The following PRKCB variants were observed in gnomAD, a reference collection of about 807,000 sequenced individuals.
PRKCB encodes the protein protein kinase C beta, also known as protein kinase C beta type.
A neutral mutation model predicts 81.5 loss-of-function variants in PRKCB; 13 were observed. That is an observed-to-expected ratio of 0.16 (90% CI 0.10 to 0.25). The LOEUF (loss-of-function observed/expected upper bound fraction) is 0.25. Among genes scored for constraint, PRKCB ranks in the 10% least tolerant of loss-of-function variants. PRKCB has a pLI of 1.00. For synonymous variants in PRKCB, 335 were observed against 321.4 expected (o/e 1.04, Z -0.45); for missense variants, 509 against 875.7 (o/e 0.58, Z 5.29).
intron 3 of PRKCB, among the ~76,000 whole-genome samples, chr16:24,020,976 T>TCTTTC (rs1965352916): frequency 3.1e-5 from 3 of 96,740 alleles, no homozygotes; most frequent in Middle Eastern, 5.7e-3. Context: ...AGACTTTTCT[T>TCTTTC]TTTCTTTCTT....
intron 2 of PRKCB, among the ~76,000 whole-genome samples, chr16:23,945,422 A>T (rs1358925130): frequency 6.6e-6 from 1 of 152,190 alleles, no homozygotes; most frequent in Non-Finnish European, 1.5e-5. Flanking sequence ...CCGTGAAAAT[A>T]CTTTTTCTGA....
intron 2 of PRKCB, among the ~76,000 whole-genome samples, chr16:23,926,437 T>A (rs1963897417): frequency 1.3e-5 from 2 of 151,058 alleles, no homozygotes; most frequent in Non-Finnish European, 3.0e-5. Context: ...TGAGCCGAGA[T>A]TGCCCCACTG....
intron 7 of PRKCB, among the ~76,000 whole-genome samples, chr16:24,100,261 T>A (rs1332470097): frequency 1.3e-5 from 2 of 151,642 alleles, no homozygotes; most frequent in African/African-American, 2.4e-5. Flanking sequence ...TAGATCCTCT[T>A]GGCCGAGGAG....
intron 2 of PRKCB, among the ~76,000 whole-genome samples, chr16:23,898,649 A>C (rs768426042): frequency 6.6e-6 from 1 of 152,176 alleles, no homozygotes; most frequent in South Asian, 2.1e-4. Context: ...AACTAGGTGA[A>C]GATTGGCAGA....
At chr16:24,049,055 T>TTTTG (rs2141868269) in intron 5 of PRKCB, among the ~76,000 whole-genome samples, 1 of 134,988 alleles carries the variant, frequency 7.4e-6, no homozygotes, top group Non-Finnish European at 1.6e-5. Flanking sequence ...CTGTTTTTTT[T>TTTTG]TTTTTTTTTT....
At chr16:24,102,980 C>G (rs576758018) in intron 7 of PRKCB, among the ~76,000 whole-genome samples, 45 of 152,248 alleles carry the variant, frequency 3.0e-4, no homozygotes, top group African/African-American at 1.0e-3. Context: ...TCAAGCGACT[C>G]TCCTGACTGA....
intron 2 of PRKCB, among the ~76,000 whole-genome samples, chr16:23,917,936 G>A (rs1597244976): frequency 6.6e-6 from 1 of 152,144 alleles, no homozygotes; most frequent in Admixed American, 6.5e-5. Context: ...TTCACATTTG[G>A]TTTCTTTGTC....
chr16:23,883,193 G>A (rs1424274211), intron 2 of PRKCB, among the ~76,000 whole-genome samples: 1 of 152,160 alleles, frequency 6.6e-6, no homozygotes, highest in African/African-American at 2.4e-5. Flanking sequence ...GGCGATAAAT[G>A]TCATGATACT....
Position 24,214,920 on chromosome 16 carries a change from T to G in PRKCB, c.*104T>G. The G allele has an allele frequency of 1.3e-6, 2 of 1,548,774 alleles. No homozygotes were observed. The highest frequency in any genetic ancestry group is 1.7e-6 in the Non-Finnish European group (2 of 1,151,880). ...TTGCCAAGTTGCATCCATGTTTGAT[T>G]TTCTGATGAGACTAGAGTGACAGTG... is the stretch of plus-strand genomic sequence containing the variant. On this transcript the variant is annotated 3_prime_UTR_variant, in exon 17 of 17. Coordinates refer to ENST00000643927, the MANE Select transcript of PRKCB (RefSeq NM_002738.7).
chr16:23,867,747 G>T (rs1962832825), intron 2 of PRKCB, among the ~76,000 whole-genome samples: 1 of 152,134 alleles, frequency 6.6e-6, no homozygotes, highest in Admixed American at 6.6e-5. Flanking sequence ...TGAGGCTCAG[G>T]GTCACAACTT....
chr16:24,025,866 C>T (rs1965472906), intron 3 of PRKCB, among the ~76,000 whole-genome samples: 1 of 152,184 alleles, frequency 6.6e-6, no homozygotes, highest in South Asian at 2.1e-4. Context: ...AGCTGGGTGG[C>T]CTTGGTGAAG....
At chr16:24,170,823 C>T (rs1032694487) in intron 10 of PRKCB, among the ~76,000 whole-genome samples, 1 of 152,226 alleles carries the variant, frequency 6.6e-6, no homozygotes, top group Non-Finnish European at 1.5e-5. Context: ...CCTCTCTGGG[C>T]ACCTGCTATG....
At chr16:23,856,663 TGAG>T (rs1962574335) in intron 2 of PRKCB, among the ~76,000 whole-genome samples, 1 of 152,174 alleles carries the variant, frequency 6.6e-6, no homozygotes, top group Non-Finnish European at 1.5e-5. Context: ...AGCTGGGACT[TGAG>T]GCACATGCCA....
At chr16:24,153,310 G>A (rs1213413559) in intron 9 of PRKCB, among the ~76,000 whole-genome samples, 2 of 152,126 alleles carry the variant, frequency 1.3e-5, no homozygotes, top group Non-Finnish European at 2.9e-5. Flanking sequence ...TGCAATATGG[G>A]ATTCACAATG....
intron 9 of PRKCB, among the ~76,000 whole-genome samples, chr16:24,138,285 AG>A (rs1175028443): frequency 6.6e-6 from 1 of 152,188 alleles, no homozygotes; most frequent in Non-Finnish European, 1.5e-5. Context: ...CCAACAACAA[AG>A]GGGGGCAGTG....
intron 16 of PRKCB, among the ~76,000 whole-genome samples, chr16:24,214,052 G>T (rs988493859): frequency 1.3e-5 from 2 of 152,176 alleles, no homozygotes; most frequent in Non-Finnish European, 2.9e-5. Flanking sequence ...CAGGGGCCTC[G>T]TGGTTGCCCA....
chr16:24,111,000 G>C (rs1041728477), intron 7 of PRKCB: 1 of 152,164 alleles, frequency 6.6e-6, no homozygotes, highest in African/African-American at 2.4e-5. Flanking sequence ...AATCCACAAA[G>C]GTAGCATCTG....
intron 2 of PRKCB, among the ~76,000 whole-genome samples, chr16:23,879,185 A>T (rs533514814): frequency 6.6e-6 from 1 of 152,124 alleles, no homozygotes; most frequent in East Asian, 1.9e-4. Flanking sequence ...CTCAAAAAAA[A>T]AAAGAGGCAG....
chr16:24,121,138 C>T (rs764222826), intron 8 of PRKCB, among the ~76,000 whole-genome samples: 6 of 152,170 alleles, frequency 3.9e-5, no homozygotes, highest in Admixed American at 6.5e-5. Context: ...TCCAGCCAGA[C>T]GATGTTTCAT....
Sources: gnomAD v4.1 joint callset for allele counts (sites outside exome capture counted in the v4.1 genomes callset) on GRCh38, gnomAD v4.1.1 for gene constraint, MANE v1.5 for transcripts, NCBI Gene and HGNC (gene_info 2026-07-23, HGNC 2026-07-21) for gene names.